The following PELI2 variants were observed in gnomAD, a reference collection of about 807,000 sequenced individuals.
PELI2 encodes E3 ubiquitin-protein ligase pellino homolog 2.
PELI2 carries 23 observed loss-of-function variants against 42.3 expected under a neutral mutation model. The ratio of observed to expected loss-of-function variants is 0.54; its 90% confidence interval spans 0.39 to 0.77. The LOEUF (loss-of-function observed/expected upper bound fraction) is 0.77, where lower values mean the gene tolerates loss of function less well. PELI2 is among the 30% of genes least tolerant of loss of function. The probability of loss-of-function intolerance (pLI) is 0.00; values close to 1 mark genes in which losing one functional copy is unlikely to be tolerated. For missense variants in PELI2, 463 were observed against 553.2 expected (o/e 0.84, Z 1.64); for synonymous variants, 245 against 212.2 (o/e 1.15, Z -1.34).
intron 2 of PELI2, among the ~76,000 whole-genome samples, chr14:56,276,580 C>T (rs1166554293): frequency 1.3e-5 from 2 of 152,126 alleles, no homozygotes; most frequent in Admixed American, 1.3e-4. Context: ...ATGCTAGTTC[C>T]GAAGTTCCTC....
intron 4 of PELI2, among the ~76,000 whole-genome samples, chr14:56,290,026 T>C (rs1041217768): frequency 5.3e-5 from 8 of 152,202 alleles, no homozygotes; most frequent in African/African-American, 1.9e-4. Context: ...CTCGATTTTT[T>C]GCAAGTTCTT....
In PELI2 at chr14:56,219,457, ACAG is replaced by A. The variant is rs1402811547; in HGVS notation, c.207+40996_207+40998del. Among the ~76,000 whole-genome samples, 1 of 152,170 alleles carries A rather than the reference ACAG, an allele frequency of 6.6e-6. No individual in the cohort carries two copies. Among genetic ancestry groups the A allele is most frequent in the African/African-American group, 2.4e-5 (1 of 41,436 alleles). On this transcript the variant is annotated intron_variant, in intron 2 of 5. Transcript: ENST00000267460. This position sits in a 1 kb window ranked among gnomAD's most constrained non-coding sequence, Gnocchi z 4.1. ...AACATCCTTTCCTCTCGCAGTAACT[ACAG>A]CATGATTTGTTTTACCCCTCAGCAC...
At chr14:56,230,125 T>C (rs1485644678) in intron 2 of PELI2, among the ~76,000 whole-genome samples, 1 of 152,142 alleles carries the variant, frequency 6.6e-6, no homozygotes, top group Non-Finnish European at 1.5e-5. Flanking sequence ...CATTTCTGAT[T>C]GGTGTACGTG....
intron 2 of PELI2, among the ~76,000 whole-genome samples, chr14:56,253,065 G>A (rs999149694): frequency 2.6e-5 from 4 of 152,262 alleles, no homozygotes; most frequent in East Asian, 1.9e-4. Context: ...ATCAATAAAC[G>A]TAATCCATCA....
chr14:56,285,284 A>G (rs1207143875), intron 3 of PELI2, among the ~76,000 whole-genome samples: 1 of 152,200 alleles, frequency 6.6e-6, no homozygotes, highest in East Asian at 1.9e-4. Context: ...TAATGTGGGC[A>G]TGGAGGAAAC....
At chr14:56,284,218 A>G (rs1448327129) in intron 3 of PELI2, among the ~76,000 whole-genome samples, 2 of 152,254 alleles carry the variant, frequency 1.3e-5, no homozygotes, top group Non-Finnish European at 2.9e-5. Context: ...AATTTAAGGT[A>G]TAAGAAATTG....
chr14:56,277,890 C>A (rs1436672632), intron 2 of PELI2, among the ~76,000 whole-genome samples: 2 of 152,312 alleles, frequency 1.3e-5, no homozygotes, highest in Middle Eastern at 3.4e-3. Context: ...CCAATTCAGG[C>A]AAATGGAGTG....
At chr14:56,175,009 T>C (rs1221953025) in intron 1 of PELI2, among the ~76,000 whole-genome samples, 1 of 152,170 alleles carries the variant, frequency 6.6e-6, no homozygotes, top group African/African-American at 2.4e-5. Flanking sequence ...TTTCTTTCTT[T>C]TCTTTTTTGA....
At chr14:56,225,118 A>G (rs544093796) in intron 2 of PELI2, among the ~76,000 whole-genome samples, 51 of 152,170 alleles carry the variant, frequency 3.4e-4, no homozygotes, top group Non-Finnish European at 6.8e-4. Flanking sequence ...ATATGTAATC[A>G]GTGTTTGGTA....
intron 2 of PELI2, among the ~76,000 whole-genome samples, chr14:56,194,823 C>T (rs1886074870): frequency 1.3e-5 from 2 of 152,126 alleles, no homozygotes; most frequent in Admixed American, 1.3e-4. Flanking sequence ...AGTGCCCATT[C>T]CTCTGCCTCA....
chr14:56,157,788 T>C (rs1884621794), intron 1 of PELI2, among the ~76,000 whole-genome samples: 1 of 152,056 alleles, frequency 6.6e-6, no homozygotes, highest in Admixed American at 6.6e-5. Flanking sequence ...TTCTTAGGAG[T>C]AGTAAGAAAG....
chr14:56,207,652 T>C (rs1263934385), intron 2 of PELI2, among the ~76,000 whole-genome samples: 1 of 152,112 alleles, frequency 6.6e-6, no homozygotes, highest in Admixed American at 6.5e-5. Context: ...GATAGGGAGA[T>C]TGCTAGGAAA....
At chr14:56,120,237 C>T (rs1167032496) in intron 1 of PELI2, among the ~76,000 whole-genome samples, 7 of 152,226 alleles carry the variant, frequency 4.6e-5, no homozygotes, top group African/African-American at 7.2e-5. Context: ...TCAGCCCAAC[C>T]TAATCTTGTG....
intron 2 of PELI2, among the ~76,000 whole-genome samples, chr14:56,233,628 G>A (rs919402814): frequency 3.3e-5 from 5 of 152,088 alleles, no homozygotes; most frequent in Non-Finnish European, 1.5e-5. Flanking sequence ...AGACTTAAAC[G>A]TAAGACCTAA....
chr14:56,177,168 T>A (rs1010242789), intron 1 of PELI2, among the ~76,000 whole-genome samples: 2 of 152,244 alleles, frequency 1.3e-5, no homozygotes, highest in African/African-American at 4.8e-5. Flanking sequence ...AGTGATAATT[T>A]GAAACCATTG....
At chr14:56,128,505 C>A (rs1478118161) in intron 1 of PELI2, among the ~76,000 whole-genome samples, 1 of 152,114 alleles carries the variant, frequency 6.6e-6, no homozygotes, top group South Asian at 2.1e-4. Flanking sequence ...ATTATTTCCA[C>A]CAGGGTGAAG....
intron 2 of PELI2, among the ~76,000 whole-genome samples, chr14:56,202,746 A>G (rs1229948745): frequency 6.6e-6 from 1 of 152,196 alleles, no homozygotes; most frequent in Non-Finnish European, 1.5e-5. Context: ...TGGGAAGTAC[A>G]CAGCATATCA....
intron 2 of PELI2, among the ~76,000 whole-genome samples, chr14:56,183,745 T>A (rs867696738): frequency 1.3e-4 from 20 of 152,202 alleles, no homozygotes; most frequent in African/African-American, 3.6e-4. Flanking sequence ...GTGATGGTTT[T>A]TATTGATTTC....
At chr14:56,270,292 G>A (rs568341148) in intron 2 of PELI2, among the ~76,000 whole-genome samples, 3 of 152,270 alleles carry the variant, frequency 2.0e-5, no homozygotes, top group African/African-American at 4.8e-5. Context: ...TGGTTCCGGC[G>A]CTTGTTTGAA....
Sources: gnomAD v4.1 joint callset for allele counts (sites outside exome capture counted in the v4.1 genomes callset) on GRCh38, gnomAD v4.1.1 for gene constraint, Gnocchi (gnomAD v3.1) non-coding constraint, MANE v1.5 for transcripts, NCBI Gene and HGNC (gene_info 2026-07-23, HGNC 2026-07-21) for gene names.